The following DCAF1 variants were observed in gnomAD, a reference collection of about 807,000 sequenced individuals.
DCAF1 encodes the protein DDB1- and CUL4-associated factor 1.
In DCAF1, 15 loss-of-function variants were observed where a neutral mutation model predicts 128.0. The observed-to-expected ratio is 0.12, with a 90% CI of 0.08 to 0.18. The LOEUF is 0.18. DCAF1 is among the 10% of genes least tolerant of loss of function. The pLI, the probability that DCAF1 is intolerant of heterozygous loss-of-function variation, is 1.00. For synonymous variants in DCAF1, 610 were observed against 603.0 expected, an observed-to-expected ratio of 1.01 and a Z score of -0.17; for missense variants, 988 against 1,649.5, an observed-to-expected ratio of 0.60 and a Z score of 6.95.
chr3:51,455,841 G>A lies in DCAF1; in HGVS notation c.375+7273C>T, dbSNP rs534487229. ...GAACCTGGGAGGCGGAAGTTGCAGTGAGCCAAGATCACACCACTGCACTCC... is the reference window on the plus strand; with the variant it reads ...GAACCTGGGAGGCGGAAGTTGCAGTAAGCCAAGATCACACCACTGCACTCC... On this transcript the variant is annotated intron_variant, in intron 6 of 24. Transcript: ENST00000684031. Among the ~76,000 whole-genome samples, 135 of 152,082 alleles carry A rather than the reference G, an allele frequency of 8.9e-4. 3 individuals carry two copies. The South Asian group carries it at 0.027, about 30-fold the overall frequency.
In DCAF1 at chr3:51,444,745, G is replaced by A. The variant is rs149435704; in HGVS notation, c.376-842C>T. On this transcript the variant is annotated intron_variant, in intron 6 of 24. Coordinates refer to ENST00000684031, the MANE Select transcript of DCAF1 (RefSeq NM_001387579.1). ...GGCTGGAGTGCAGTGGCACAATCTC[G>A]GCTCACTACAAGCTCTGCCTCTTGG... Among the ~76,000 whole-genome samples, 618 of 151,996 alleles carry A rather than the reference G, an allele frequency of 4.1e-3. 6 individuals are homozygous for A. The highest frequency in any genetic ancestry group is 0.014 in the African/African-American group (580 of 41,458).
chr3:51,439,844 T>G lies in DCAF1; in HGVS notation c.1128+1126A>C, dbSNP rs564752904. 2.0e-5 allele frequency among the ~76,000 whole-genome samples: 3 copies of G among 151,548 alleles called. No individual in the cohort carries two copies. In the South Asian group the frequency reaches 6.3e-4, roughly 32 times the overall value. On this transcript the variant is annotated intron_variant, in intron 9 of 24. Coordinates refer to ENST00000684031, the MANE Select transcript of DCAF1 (RefSeq NM_001387579.1). ...CTATCTCTACTAAAAATACAAAAAA[T>G]TAGCCAGGCATGGTGGCAGGCACCT...
intron 6 of DCAF1, among the ~76,000 whole-genome samples, chr3:51,451,521 G>A (rs1249280944): frequency 1.3e-5 from 2 of 151,976 alleles, no homozygotes; most frequent in African/African-American, 4.8e-5. Flanking sequence ...AGCACTATGG[G>A]AGGCCAAGAC....
intron 13 of DCAF1, among the ~76,000 whole-genome samples, chr3:51,425,017 A>T (rs2107462662): frequency 6.6e-6 from 1 of 152,352 alleles, no homozygotes; most frequent in Admixed American, 6.5e-5. Flanking sequence ...GAATTTGATT[A>T]AAAGTATAAT....
rs1310700743 is a variant in DCAF1, at chr3:51,456,657, A to T, written c.375+6457T>A. Among the ~76,000 whole-genome samples, 15 of 152,036 alleles carry T rather than the reference A, an allele frequency of 9.9e-5. 1 individual carries two copies. The South Asian group carries it at 2.9e-3, about 30-fold the overall frequency. On this transcript the variant is annotated intron_variant, in intron 6 of 24. Coordinates refer to ENST00000684031, the MANE Select transcript of DCAF1 (RefSeq NM_001387579.1). ...CCCCCAAGTAGCCTAACTGGGAGGCACCCCCCAGTAGGGGCGGACTGACAC... is the reference window on the plus strand; with the variant it reads ...CCCCCAAGTAGCCTAACTGGGAGGCTCCCCCCAGTAGGGGCGGACTGACAC...
intron 6 of DCAF1, among the ~76,000 whole-genome samples, chr3:51,461,815 A>G (rs1202380608): frequency 1.3e-5 from 2 of 152,144 alleles, no homozygotes; most frequent in Admixed American, 6.6e-5. Flanking sequence ...CGCAAGGACA[A>G]AAAACCAAAC....
intron 23 of DCAF1, among the ~76,000 whole-genome samples, chr3:51,411,861 G>A (rs972923835): frequency 6.6e-5 from 10 of 151,930 alleles, no homozygotes; most frequent in Admixed American, 2.0e-4. Context: ...TATACTCCAC[G>A]CACTCTGAGA....
intron 2 of DCAF1, among the ~76,000 whole-genome samples, chr3:51,485,462 TGA>T (rs1188784073): frequency 1.3e-5 from 2 of 152,166 alleles, no homozygotes; most frequent in African/African-American, 2.4e-5. Flanking sequence ...CACCCACATA[TGA>T]GAGGCTTATA....
chr3:51,469,418 C>A (rs143184290), intron 4 of DCAF1, among the ~76,000 whole-genome samples: 1 of 151,490 alleles, frequency 6.6e-6, no homozygotes, highest in South Asian at 2.1e-4. Flanking sequence ...TTAGTAGAGA[C>A]GGGGTTTTTC....
chr3:51,490,365 A>G (rs1553657419), intron 2 of DCAF1, among the ~76,000 whole-genome samples: 1 of 152,164 alleles, frequency 6.6e-6, no homozygotes, highest in East Asian at 1.9e-4. Flanking sequence ...CAGTAAGTTG[A>G]GGCTGCAGTG....
intron 3 of DCAF1, among the ~76,000 whole-genome samples, chr3:51,478,117 C>T (rs1234303389): frequency 6.6e-5 from 10 of 152,144 alleles, no homozygotes; most frequent in African/African-American, 2.2e-4. Flanking sequence ...AATCCTCCTA[C>T]CTCAGCCTCC....
At chr3:51,458,913 C>T (rs1703226350) in intron 6 of DCAF1, among the ~76,000 whole-genome samples, 2 of 152,132 alleles carry the variant, frequency 1.3e-5, no homozygotes, top group African/African-American at 4.8e-5. Context: ...ACATTCAAAG[C>T]AGTGTGTAGA....
At chr3:51,403,645 C>G (rs1553625725) in intron 23 of DCAF1, among the ~76,000 whole-genome samples, 1 of 152,230 alleles carries the variant, frequency 6.6e-6, no homozygotes, top group Non-Finnish European at 1.5e-5. Context: ...TGCAAGGAAA[C>G]AGACAACTCG....
intron 2 of DCAF1, among the ~76,000 whole-genome samples, chr3:51,487,173 T>C (rs1000705793): frequency 1.3e-5 from 2 of 152,036 alleles, no homozygotes. Context: ...GGTTTCACCA[T>C]GTTGGCCAGT....
chr3:51,502,861 C>G (rs924301314), upstream of DCAF1, among the ~76,000 whole-genome samples: 2 of 152,166 alleles, frequency 1.3e-5, no homozygotes, highest in Non-Finnish European at 2.9e-5. Context: ...AGAGGGAGCA[C>G]CCAGGCTTTC....
intron 2 of DCAF1, among the ~76,000 whole-genome samples, chr3:51,488,108 G>C (rs992613155): frequency 1.3e-5 from 2 of 151,708 alleles, no homozygotes; most frequent in Non-Finnish European, 2.9e-5. Context: ...CACACAACCC[G>C]CCTGCCTCGG....
Position 51,420,848 on chromosome 3 carries a change from G to T in DCAF1, c.2122C>A (p.Arg708=), listed in dbSNP as rs782474453. The T allele has an allele frequency of 1.2e-5, 20 of 1,613,854 alleles. No homozygotes were observed. The highest frequency in any genetic ancestry group is 1.7e-5 in the Non-Finnish European group (20 of 1,179,902). Residue 708 remains arginine, a synonymous_variant, in exon 15 of 25, where the codon CGG becomes AGG. Transcript: ENST00000684031. This position sits in a 1 kb window ranked among gnomAD's most constrained non-coding sequence, Gnocchi z 6.5. Reference sequence around the variant, plus strand: ...TTAGGGTTCTGAGGCAGCTTTCTCCGAGGAGTACCAGAGATAAATTTACCA... The same window carrying T: ...TTAGGGTTCTGAGGCAGCTTTCTCCTAGGAGTACCAGAGATAAATTTACCA... The part of the protein sequence containing the change: ...SIGKFISGTP[R]RKLPQNPKSS...
intron 23 of DCAF1, among the ~76,000 whole-genome samples, chr3:51,411,186 GAC>G (rs1474041942): frequency 7.4e-5 from 11 of 148,572 alleles, no homozygotes; most frequent in Non-Finnish European, 4.5e-5. Context: ...AAAAAAGAGA[GAC>G]AAAGCACCAA....
intron 5 of DCAF1, among the ~76,000 whole-genome samples, chr3:51,465,985 G>A (rs1215142494): frequency 6.6e-6 from 1 of 152,064 alleles, no homozygotes; most frequent in Non-Finnish European, 1.5e-5. Flanking sequence ...GATAACTTGA[G>A]GTCAGGAATT....
Sources: allele counts gnomAD v4.1 joint callset (sites outside exome capture counted in the v4.1 genomes callset), GRCh38; gene constraint gnomAD v4.1.1; non-coding constraint Gnocchi (gnomAD v3.1); transcripts MANE v1.5; gene names NCBI Gene and HGNC (gene_info 2026-07-23, HGNC 2026-07-21).